Variants in NEK4 observed in about 807,000 individuals in gnomAD.
The protein encoded by NEK4 is serine/threonine-protein kinase Nek4.
In NEK4, 86 loss-of-function variants were observed where a neutral mutation model predicts 98.4. The ratio of observed to expected loss-of-function variants is 0.87; its 90% CI spans 0.73 to 1.05. NEK4 has a LOEUF of 1.05. Among genes scored for constraint, NEK4 ranks in the 50% least tolerant of loss-of-function variants. The probability of loss-of-function intolerance (pLI) is 0.00; values close to 1 mark genes in which losing one functional copy is unlikely to be tolerated. For missense variants in NEK4, 898 were observed against 950.3 expected (o/e 0.94, Z 0.72); for synonymous variants, 328 against 342.2 (o/e 0.96, Z 0.46).
intron 6 of NEK4, among the ~76,000 whole-genome samples, chr3:52,752,927 T>TACACACACACAC (rs1299044456): frequency 2.2e-5 from 1 of 45,666 alleles, no homozygotes; most frequent in Non-Finnish European, 4.8e-5. Flanking sequence ...AATATATATA[T>TACACACACACAC]ATATATACAC....
At chr3:52,751,317 G>A (rs1052032868) in intron 7 of NEK4, among the ~76,000 whole-genome samples, 1 of 152,086 alleles carries the variant, frequency 6.6e-6, no homozygotes, top group Non-Finnish European at 1.5e-5. Context: ...TTAGCCAGGT[G>A]TGGTGGTGGG....
intron 15 of NEK4, among the ~76,000 whole-genome samples, chr3:52,724,377 G>C (rs911703654): frequency 6.6e-6 from 1 of 152,076 alleles, no homozygotes; most frequent in Admixed American, 6.6e-5. Flanking sequence ...GAACTGTGGA[G>C]GCCAGAAAGC....
chr3:52,722,163 C>T (rs770048248), intron 15 of NEK4, among the ~76,000 whole-genome samples: 1 of 152,206 alleles, frequency 6.6e-6, no homozygotes, highest in African/African-American at 2.4e-5. Context: ...AGGGGGACTT[C>T]CCCACCTTAA....
intron 15 of NEK4, among the ~76,000 whole-genome samples, chr3:52,719,531 G>A (rs1016947540): frequency 4.1e-5 from 6 of 147,308 alleles, no homozygotes; most frequent in East Asian, 2.0e-4. Context: ...TGTAGTGAGC[G>A]AAGATCACGC....
intron 15 of NEK4, among the ~76,000 whole-genome samples, chr3:52,736,771 T>C (rs892502104): frequency 6.6e-6 from 1 of 152,174 alleles, no homozygotes; most frequent in Admixed American, 6.5e-5. Context: ...ACTAGGTGAT[T>C]AGGCATACAT....
chr3:52,720,574 A>G (rs879210177), intron 15 of NEK4, among the ~76,000 whole-genome samples: 1 of 152,228 alleles, frequency 6.6e-6, no homozygotes, highest in East Asian at 1.9e-4. Flanking sequence ...TTCACAGCTA[A>G]CATCTCCTCA....
intron 15 of NEK4, among the ~76,000 whole-genome samples, chr3:52,715,326 A>T (rs972397173): frequency 1.3e-5 from 2 of 152,208 alleles, no homozygotes; most frequent in African/African-American, 4.8e-5. Flanking sequence ...AGCGGGGCTA[A>T]ATACTCCACG....
chr3:52,742,768 G>C (rs1177310022), intron 12 of NEK4, among the ~76,000 whole-genome samples: 19 of 152,114 alleles, frequency 1.2e-4, no homozygotes, highest in Admixed American at 1.2e-3. Flanking sequence ...CCCTTAGAAA[G>C]TTCTGTTATT....
chr3:52,747,849 G>A (rs2097398861), intron 8 of NEK4, among the ~76,000 whole-genome samples: 1 of 151,932 alleles, frequency 6.6e-6, no homozygotes, highest in South Asian at 2.1e-4. Context: ...GGAGGCTGAG[G>A]TAAGAGGATT....
chr3:52,766,187 G>A lies in NEK4; in HGVS notation c.549C>T (p.Tyr183=), dbSNP rs749365739. ...MSPELFSNKP[Y]NYKSDVWALG... is the part of the protein sequence containing the mutation. ...CAGAGCCCAATCCTACCTTATAGTT[G>A]TAGGGTTTGTTTGAGAACAATTCAG... Residue 183 remains tyrosine (Y), a synonymous_variant, in exon 3 of 16, where the codon TAC becomes TAT. Coordinates refer to ENST00000233027, the MANE Select transcript of NEK4 (RefSeq NM_003157.6). 6.2e-7 allele frequency: 1 copy of A among 1,613,960 alleles called. No individual in the cohort carries two copies. Among genetic ancestry groups the A allele is most frequent in the South Asian group, 1.1e-5 (1 of 91,078 alleles).
At chr3:52,754,521 G>A in intron 6 of NEK4, 1 of 1,170,162 alleles carries the variant, frequency 8.5e-7, no homozygotes, top group Non-Finnish European at 1.3e-6. Context: ...GAAGACTCAT[G>A]CAATTAGCTT....
At chr3:52,764,115 T>A (rs966868361) in intron 4 of NEK4, among the ~76,000 whole-genome samples, 1 of 151,258 alleles carries the variant, frequency 6.6e-6, no homozygotes, top group African/African-American at 2.4e-5. Context: ...TGAAACCCCG[T>A]CTCTACTAAA....
chr3:52,719,476 G>A (rs998050146), intron 15 of NEK4, among the ~76,000 whole-genome samples: 4 of 151,822 alleles, frequency 2.6e-5, no homozygotes, highest in East Asian at 1.9e-4. Context: ...CCAGTTACTC[G>A]GAAGGCTGAG....
At chr3:52,725,611 G>A (rs1395324196) in intron 15 of NEK4, among the ~76,000 whole-genome samples, 2 of 151,874 alleles carry the variant, frequency 1.3e-5, no homozygotes, top group Non-Finnish European at 2.9e-5. Context: ...GCTGTTAAAA[G>A]GGTAGAGTTT....
At chr3:52,769,301 T>C (rs938957299) in intron 1 of NEK4, among the ~76,000 whole-genome samples, 3 of 152,226 alleles carry the variant, frequency 2.0e-5, no homozygotes, top group Admixed American at 6.5e-5. Flanking sequence ...AGCTTGACTA[T>C]ACATTTGCAG....
At chr3:52,732,638 G>A (rs2097371005) in intron 15 of NEK4, 3 of 325,868 alleles carry the variant, frequency 9.2e-6, no homozygotes, top group Non-Finnish European at 1.9e-5. Flanking sequence ...CAGGAGGAGT[G>A]GAAATAACTG....
intron 15 of NEK4, among the ~76,000 whole-genome samples, chr3:52,730,860 G>A (rs2097368942): frequency 6.6e-6 from 1 of 152,166 alleles, no homozygotes; most frequent in African/African-American, 2.4e-5. Context: ...AAGTAGATGG[G>A]TGGTTGCCAG....
chr3:52,733,511 C>A (rs2097371948), intron 15 of NEK4: 3 of 462,014 alleles, frequency 6.5e-6, no homozygotes, highest in African/African-American at 2.1e-5. Context: ...AGAAGTCATA[C>A]TGCAGAAAAA....
In NEK4 at chr3:52,752,191, A is replaced by C; in HGVS notation, c.1109T>G (p.Leu370Ter). The C allele has an allele frequency of 1.9e-6, 3 of 1,614,194 alleles. No individual in the cohort carries two copies. The highest frequency in any genetic ancestry group is 1.7e-6 in the Non-Finnish European group (2 of 1,180,032). ...CACTGAATCCCTCCCTTTTGCAGGT[A>C]AGATGTCAATATTTACGCTACTGAT... Reference protein sequence around the residue: ...ATISSVNIDILPAKGRDSVSD... With the variant: ...ATISSVNIDI The change falls in exon 7 of 16, where the codon TTA (leucine) becomes TGA (stop). Residue 370 changes from leucine to a stop codon, truncating the protein, a stop_gained. Coordinates refer to ENST00000233027, the MANE Select transcript of NEK4 (RefSeq NM_003157.6). LOFTEE classifies it high-confidence loss of function.
Sources: allele counts gnomAD v4.1 joint callset (sites outside exome capture counted in the v4.1 genomes callset), GRCh38; gene constraint gnomAD v4.1.1; transcripts MANE v1.5; gene names NCBI Gene and HGNC (gene_info 2026-07-23, HGNC 2026-07-21).